BOC: variants seen among roughly 807,000 people sequenced by gnomAD.
BOC encodes BOC cell adhesion associated, oncogene regulated.
A neutral mutation model predicts 112.0 loss-of-function variants in BOC; 76 were observed. The ratio of observed to expected loss-of-function variants is 0.68; its 90% CI spans 0.56 to 0.82. The LOEUF is 0.82. Ranked by LOEUF, BOC falls within the 40% of genes least tolerant of loss-of-function variation. The pLI, the probability that BOC is intolerant of heterozygous loss-of-function variation, is 0.00. For synonymous variants in BOC, 580 were observed against 599.8 expected (o/e 0.97, Z 0.48); for missense variants, 1,309 against 1,511.7 (o/e 0.87, Z 2.22).
intron 4 of BOC, chr3:113,261,672 G>A (rs1946890679): frequency 6.6e-6 from 1 of 152,172 alleles, no homozygotes; most frequent in Non-Finnish European, 1.5e-5. Context: ...AATTCCTGAA[G>A]CCTCAGGCCA....
intron 2 of BOC, among the ~76,000 whole-genome samples, chr3:113,240,977 C>T (rs1438949900): frequency 6.6e-6 from 1 of 152,216 alleles, no homozygotes; most frequent in Non-Finnish European, 1.5e-5. Context: ...ACCTCCTTCT[C>T]AGCCAGAGCC....
chr3:113,227,906 C>G (rs1397605779), intron 2 of BOC, among the ~76,000 whole-genome samples: 1 of 151,556 alleles, frequency 6.6e-6, no homozygotes, highest in East Asian at 1.9e-4. Flanking sequence ...GTTTTCATTA[C>G]TGTGCTCTGT....
chr3:113,283,572 A>G lies in BOC; in HGVS notation c.2596A>G (p.Ile866Val), dbSNP rs1341991596. The G allele has an allele frequency of 1.4e-5, 23 of 1,613,676 alleles. No individual in the cohort carries two copies. Among genetic ancestry groups the G allele is most frequent in the Non-Finnish European group, 1.9e-5 (22 of 1,179,908 alleles). The change falls in exon 16 of 20, where the codon ATC becomes GTC. Residue 866 changes from isoleucine to valine, a missense_variant. Physicochemically the swap from Ile to Val is conservative, Grantham distance 29 (BLOSUM62 3). Coordinates refer to ENST00000682979, the MANE Select transcript of BOC (RefSeq NM_001378074.1). ...GATTGTCGGGGTCGTCCTGGGCTCCATCGTTCTCATCATCGTCACCTTCAT... is the reference window on the plus strand; with the variant it reads ...GATTGTCGGGGTCGTCCTGGGCTCCGTCGTTCTCATCATCGTCACCTTCAT... ...YLIVGVVLGS[I>V]VLIIVTFIPF...
chr3:113,233,544 T>C (rs894193308), intron 2 of BOC, among the ~76,000 whole-genome samples: 1 of 152,180 alleles, frequency 6.6e-6, no homozygotes, highest in Non-Finnish European at 1.5e-5. Context: ...GTGACTACAG[T>C]GCTCGCTTCT....
chr3:113,250,813 C>T lies in BOC; in HGVS notation c.356C>T (p.Pro119Leu). 6.2e-7 allele frequency: 1 copy of T among 1,613,668 alleles called. No homozygotes were observed. ...CCTGCGGGGGCTGTGGCCAGCGTGCCAGCCACTGTGACACTAGCCAGTGAG... is the reference window on the plus strand; with the variant it reads ...CCTGCGGGGGCTGTGGCCAGCGTGCTAGCCACTGTGACACTAGCCAGTGAG... ...RMPAGAVASV[P>L]ATVTLANLQD... The change falls in exon 4 of 20, where the codon CCA becomes CTA. Residue 119 changes from proline to leucine, a missense_variant. Transcript: ENST00000682979.
chr3:113,267,310 C>T (rs998294164), intron 4 of BOC, among the ~76,000 whole-genome samples: 3 of 152,162 alleles, frequency 2.0e-5, no homozygotes, highest in African/African-American at 7.2e-5. Flanking sequence ...AGTGATTTGT[C>T]TCATACAAAG....
intron 4 of BOC, among the ~76,000 whole-genome samples, chr3:113,255,166 T>C (rs1343741634): frequency 1.3e-5 from 2 of 152,216 alleles, no homozygotes; most frequent in African/African-American, 4.8e-5. Context: ...TCTTGTCTAA[T>C]TCTTGGTTTT....
chr3:113,267,433 G>C (rs1406296124), intron 4 of BOC, among the ~76,000 whole-genome samples: 1 of 152,186 alleles, frequency 6.6e-6, no homozygotes, highest in African/African-American at 2.4e-5. Flanking sequence ...AGGAGAGATG[G>C]CTATGGGGCT....
intron 2 of BOC, among the ~76,000 whole-genome samples, chr3:113,235,135 C>T (rs905849352): frequency 2.0e-5 from 3 of 152,214 alleles, no homozygotes; most frequent in Non-Finnish European, 4.4e-5. Context: ...GTTTACATGC[C>T]TTTTGGCTAC....
At chr3:113,216,627 C>G (rs1291038477) in intron 2 of BOC, among the ~76,000 whole-genome samples, 1 of 152,216 alleles carries the variant, frequency 6.6e-6, no homozygotes, top group Non-Finnish European at 1.5e-5. Context: ...GGTATCACAG[C>G]AAATGCCTTG....
intron 19 of BOC, 86 bp from the exon 20 acceptor site, chr3:113,286,589 C>T (rs1172254802): frequency 8.2e-7 from 1 of 1,217,576 alleles, no homozygotes; most frequent in Non-Finnish European, 1.1e-6. Context: ...CCACCTCCAC[C>T]ACAGATAGAG....
chr3:113,261,419 C>A (rs1244979934), intron 4 of BOC, among the ~76,000 whole-genome samples: 1 of 152,068 alleles, frequency 6.6e-6, no homozygotes, highest in African/African-American at 2.4e-5. Flanking sequence ...TTTTTTCTAA[C>A]TATTTCATTC....
rs551023790 is a variant in BOC, at chr3:113,282,360, C to T, written c.2435-1051C>T. Among the ~76,000 whole-genome samples the T allele has an allele frequency of 6.6e-5, 10 of 152,056 alleles. 1 individual carries two copies. In the South Asian group the frequency reaches 1.7e-3, roughly 25 times the overall value. On this transcript the variant is annotated intron_variant, in intron 15 of 19. Transcript: ENST00000682979. ...AGTCTCTTTTCTAAGGAGGTGTGGG[C>T]GGGACCAGGGTCAGCTTGCATGCTA...
At chr3:113,258,680 CAGG>C (rs757769325) in intron 4 of BOC, among the ~76,000 whole-genome samples, 9 of 151,906 alleles carry the variant, frequency 5.9e-5, no homozygotes, top group Non-Finnish European at 1.3e-4. Context: ...TAAGCTGCCC[CAGG>C]AGGGGAAGGA....
intron 2 of BOC, among the ~76,000 whole-genome samples, chr3:113,245,630 T>C (rs1944824025): frequency 6.6e-6 from 1 of 152,206 alleles, no homozygotes; most frequent in Non-Finnish European, 1.5e-5. Flanking sequence ...TCTAGAAAAC[T>C]GGGAGCATGC....
In BOC at chr3:113,261,509, A is replaced by G. The variant is rs567494354; in HGVS notation, c.377-6790A>G. ...GCGGCCCTGAAGTCGGGTAGATGAG[A>G]TGGTCTACAGACCAGACATCTGTGT... On this transcript the variant is annotated intron_variant, in intron 4 of 19. Transcript: ENST00000682979. Among the ~76,000 whole-genome samples the G allele has an allele frequency of 1.4e-3, 218 of 152,258 alleles. 1 individual carries two copies. The highest frequency in any genetic ancestry group is 3.4e-3 in the Middle Eastern group (1 of 294).
At chr3:113,273,412 C>T in intron 8 of BOC, 71 bp downstream of exon 8, 2 of 1,467,744 alleles carry the variant, frequency 1.4e-6, no homozygotes, top group East Asian at 2.4e-5. Context: ...TGAAATCTAA[C>T]TTGGAACCCC....
At chr3:113,270,538 A>G (rs1947993755) in intron 5 of BOC, 1 of 443,768 alleles carries the variant, frequency 2.3e-6, no homozygotes, top group Non-Finnish European at 4.0e-6. Context: ...CCTATGCACT[A>G]AGTTGTGGCA....
chr3:113,218,748 G>A (rs73853786), intron 2 of BOC, among the ~76,000 whole-genome samples: 1,907 of 152,322 alleles, frequency 0.013, 48 homozygotes, highest in African/African-American at 0.043. Flanking sequence ...TGCCATCTGC[G>A]AAGGCCCCAC....
Sources: gnomAD v4.1 joint callset for allele counts (sites outside exome capture counted in the v4.1 genomes callset) on GRCh38, gnomAD v4.1.1 for gene constraint, MANE v1.5 for transcripts, NCBI Gene and HGNC (gene_info 2026-07-23, HGNC 2026-07-21) for gene names.